The following DNM2 variants were observed in gnomAD, a reference collection of about 807,000 sequenced individuals.
The protein encoded by DNM2 is dynamin-2.
DNM2 carries 15 observed loss-of-function variants against 99.0 expected under a neutral mutation model. That is an observed-to-expected ratio of 0.15 (90% CI 0.10 to 0.23). The LOEUF is 0.23. Ranked by LOEUF, DNM2 falls within the 10% of genes least tolerant of loss-of-function variation. The pLI, the probability that DNM2 is intolerant of heterozygous loss-of-function variation, is 1.00. For missense variants in DNM2, 742 were observed against 1,189.4 expected (o/e 0.62, Z 5.53); for synonymous variants, 525 against 481.2 (o/e 1.09, Z -1.19).
At chr19:10,803,459 C>T (rs1332697201) in intron 12 of DNM2, among the ~76,000 whole-genome samples, 1 of 152,186 alleles carries the variant, frequency 6.6e-6, no homozygotes, top group African/African-American at 2.4e-5. Context: ...GCCCTGTGCT[C>T]CCGGCCGCCG....
chr19:10,759,666 C>T (rs2070549678), intron 1 of DNM2, 72 bp from the exon 2 acceptor site: 1 of 1,589,070 alleles, frequency 6.3e-7, no homozygotes. Context: ...GTTGCTCCAC[C>T]ACATGTGGTC....
chr19:10,772,459 C>A lies in DNM2; in HGVS notation c.236-20C>A, dbSNP rs920150388. ...GCCCACAGCTCTTTCTCATTTTCAGCATCTCTCTTCCCTTTCTAGAACATG... is the reference window on the plus strand; with the variant it reads ...GCCCACAGCTCTTTCTCATTTTCAGAATCTCTCTTCCCTTTCTAGAACATG... On this transcript the variant is annotated intron_variant, in intron 2 of 20. Coordinates refer to ENST00000389253, the MANE Select transcript of DNM2 (RefSeq NM_001005361.3). The surrounding 1 kb of genome is among the most constrained non-coding windows in gnomAD (Gnocchi z 4.9). The A allele has an allele frequency of 6.2e-7, 1 of 1,613,734 alleles. No homozygotes were observed. Among genetic ancestry groups the A allele is most frequent in the African/African-American group, 1.3e-5 (1 of 75,038 alleles).
At chr19:10,778,867 A>T (rs1907559751) in intron 5 of DNM2, among the ~76,000 whole-genome samples, 3 of 152,154 alleles carry the variant, frequency 2.0e-5, no homozygotes, top group Admixed American at 2.0e-4. Context: ...AAGTTCAGGT[A>T]CAGATCTTCT....
rs1253263682 is a variant in DNM2, at chr19:10,817,523, C to T, written c.1672-2457C>T. 6.8e-6 allele frequency: 3 copies of T among 442,420 alleles called. No homozygotes were observed. The highest frequency in any genetic ancestry group is 1.4e-5 in the Non-Finnish European group (3 of 216,252). 27.4% of individuals were successfully genotyped at this position (442,420 alleles called of 1,614,324 possible). A position where few individuals can be genotyped will look rare whatever the true frequency, so the allele number is the denominator to read the frequency against. ...GGGCCGGCTATCCATCCTGCAGAAC[C>T]CCCCAGGCAGACGCTGGGGCCACCA... On this transcript the variant is annotated intron_variant, in intron 15 of 20. Transcript: ENST00000389253. This position sits in a 1 kb window ranked among gnomAD's most constrained non-coding sequence, Gnocchi z 4.6.
At chr19:10,757,253 G>A (rs1432709069) in intron 1 of DNM2, among the ~76,000 whole-genome samples, 2 of 151,142 alleles carry the variant, frequency 1.3e-5, no homozygotes. Flanking sequence ...GAGGGCTTGG[G>A]CTGACTTGTT....
At chr19:10,726,627 A>T (rs1349191033) in intron 1 of DNM2, among the ~76,000 whole-genome samples, 1 of 152,134 alleles carries the variant, frequency 6.6e-6, no homozygotes, top group Non-Finnish European at 1.5e-5. Flanking sequence ...GGGAGAAAAA[A>T]TGCCCAGCAT....
chr19:10,721,056 C>T (rs1456155244), intron 1 of DNM2, among the ~76,000 whole-genome samples: 1 of 152,110 alleles, frequency 6.6e-6, no homozygotes, highest in African/African-American at 2.4e-5. Flanking sequence ...CCCTCTACCC[C>T]TTGCCTTTCT....
chr19:10,797,326 C>T, intron 9 of DNM2, 54 bp from the exon 10 acceptor site: 1 of 1,606,070 alleles, frequency 6.2e-7, no homozygotes, highest in Non-Finnish European at 8.5e-7. Context: ...GCGTGTGTGG[C>T]CTGCACTGTC....
In DNM2 at chr19:10,820,144, C is replaced by T. The variant is rs1344956349; in HGVS notation, c.1781+55C>T. The stretch of plus-strand genomic sequence containing the variant: ...CGGGGTGAAGACCAATGGCCTCATT[C>T]ACACTCCACAACCTTCACTGAGCAC... On this transcript the variant is annotated intron_variant, in intron 16 of 20. Transcript: ENST00000389253. The surrounding 1 kb of genome is among the most constrained non-coding windows in gnomAD (Gnocchi z 4.3). 1 of 1,535,716 alleles carries T rather than the reference C, an allele frequency of 6.5e-7. No homozygotes were observed.
intron 1 of DNM2, among the ~76,000 whole-genome samples, chr19:10,736,246 CAG>C (rs2069520722): frequency 7.1e-6 from 1 of 140,886 alleles, no homozygotes; most frequent in Non-Finnish European, 1.5e-5. Flanking sequence ...GCCTGGGCAA[CAG>C]AGTGAGACTC....
At chr19:10,808,002 G>C (rs1254871919) in intron 13 of DNM2, among the ~76,000 whole-genome samples, 2 of 150,336 alleles carry the variant, frequency 1.3e-5, no homozygotes, top group Non-Finnish European at 2.9e-5. Context: ...AATTAGCCTG[G>C]CATGATGGTG....
chr19:10,718,841 C>T (rs1411945829), intron 1 of DNM2, among the ~76,000 whole-genome samples: 1 of 152,126 alleles, frequency 6.6e-6, no homozygotes, highest in Non-Finnish European at 1.5e-5. Context: ...GGAGCTGCCC[C>T]CGCCGTCTGG....
chr19:10,786,498 T>C, intron 6 of DNM2, 66 bp from the exon 7 acceptor site: 4 of 1,609,098 alleles, frequency 2.5e-6, no homozygotes, highest in Non-Finnish European at 3.4e-6. Context: ...TTGGGGGGAG[T>C]GTGTCTGCCA....
rs587778235 is a variant in DNM2 at position 10,786,582 on chromosome 19, C to T, written c.868C>T (p.Arg290Trp). The change falls in exon 7 of 21, where the codon CGG becomes TGG. Residue 290 changes from arginine to tryptophan, a missense_variant. By Grantham distance (101) the Arg-to-Trp change is moderately radical. Around this residue, in one of 7 missense-constraint regions of DNM2, gnomAD observed 192 missense variants for 358.9 expected, o/e 0.54. Transcript: ENST00000389253. ...TLNQQLTNHI[R>W]ESLPALRSKL... ...CCTGCAGCAACTGACCAACCACATC[C>T]GGGAGTCGCTGCCGGCCCTACGTAG... 4.6e-5 allele frequency: 74 copies of T among 1,614,022 alleles called. No homozygotes were observed. The highest frequency in any genetic ancestry group is 5.8e-5 in the Non-Finnish European group (69 of 1,180,028).
intron 1 of DNM2, among the ~76,000 whole-genome samples, chr19:10,743,986 G>GAA (rs746134991): frequency 1.2e-4 from 13 of 106,536 alleles, no homozygotes; most frequent in Non-Finnish European, 2.0e-4. Flanking sequence ...ACTGTTTCCA[G>GAA]AAAAAAAAAA....
rs2070761221 is a variant in DNM2, at chr19:10,765,223, G to A, written c.235+5412G>A. On this transcript the variant is annotated intron_variant, in intron 2 of 20. Coordinates refer to ENST00000389253, the MANE Select transcript of DNM2 (RefSeq NM_001005361.3). This position sits in a 1 kb window ranked among gnomAD's most constrained non-coding sequence, Gnocchi z 4.4. ...TCCGCCCACCTCGGCCTCCCAAAGT[G>A]CTGGGATTACAGGCGTGAGCCACCA... is the stretch of plus-strand genomic sequence containing the variant. Among the ~76,000 whole-genome samples, 1 of 152,210 alleles carries A rather than the reference G, an allele frequency of 6.6e-6. No homozygotes were observed. The highest frequency in any genetic ancestry group is 1.5e-5 in the Non-Finnish European group (1 of 68,030).
At chr19:10,784,686 C>G (rs755252375) in intron 6 of DNM2, among the ~76,000 whole-genome samples, 49 of 152,320 alleles carry the variant, frequency 3.2e-4, no homozygotes, top group Non-Finnish European at 5.4e-4. Flanking sequence ...ATGGCCAGGG[C>G]TGCAGGGCAG....
At chr19:10,751,714 G>A (rs921912645) in intron 1 of DNM2, among the ~76,000 whole-genome samples, 2 of 152,268 alleles carry the variant, frequency 1.3e-5, no homozygotes, top group African/African-American at 4.8e-5. Flanking sequence ...CCTGGCATGC[G>A]AGGCCCTCTG....
rs1485445812 is a variant in DNM2, at chr19:10,720,134, T to C, written c.161+1731T>C. Among the ~76,000 whole-genome samples the C allele has an allele frequency of 2.0e-5, 3 of 152,276 alleles. No individual in the cohort carries two copies. In the East Asian group the frequency reaches 5.8e-4, roughly 29 times the overall value. Reference sequence around the variant, plus strand: ...AGCTCTGTCTCTTTCACTTGCCTTGTGACCTTGCACAGGTTGTCTTGGCCT... The same window carrying C: ...AGCTCTGTCTCTTTCACTTGCCTTGCGACCTTGCACAGGTTGTCTTGGCCT... On this transcript the variant is annotated intron_variant, in intron 1 of 20. Coordinates refer to ENST00000389253, the MANE Select transcript of DNM2 (RefSeq NM_001005361.3).
Sources: gnomAD v4.1 joint callset for allele counts (sites outside exome capture counted in the v4.1 genomes callset) on GRCh38, gnomAD v4.1.1 for gene constraint, gnomAD v4.1.1 regional missense constraint, Gnocchi (gnomAD v3.1) non-coding constraint, MANE v1.5 for transcripts, NCBI Gene and HGNC (gene_info 2026-07-23, HGNC 2026-07-21) for gene names.